The following CNIH3 variants were observed in gnomAD, a reference collection of about 807,000 sequenced individuals.
CNIH3 encodes protein cornichon homolog 3.
CNIH3 carries 14 observed loss-of-function variants against 24.1 expected under a neutral mutation model. That is an observed-to-expected ratio of 0.58 (90% CI 0.38 to 0.91). The LOEUF (loss-of-function observed/expected upper bound fraction) is 0.91. Among genes scored for constraint, CNIH3 ranks in the 40% least tolerant of loss-of-function variants. The pLI, the probability that CNIH3 is intolerant of heterozygous loss-of-function variation, is 0.00. For missense variants in CNIH3, 178 were observed against 196.8 expected (o/e 0.90, Z 0.57); for synonymous variants, 68 against 73.8 (o/e 0.92, Z 0.40).
chr1:224,538,643 CCTT>C (rs1425178278), downstream of CNIH3, among the ~76,000 whole-genome samples: 1 of 150,346 alleles, frequency 6.7e-6, no homozygotes, highest in East Asian at 1.9e-4. Context: ...GCCTCCTCCT[CCTT>C]CTCTCTCTCT....
chr1:224,590,166 C>T (rs1041053448), downstream of CNIH3, among the ~76,000 whole-genome samples: 2 of 152,188 alleles, frequency 1.3e-5, no homozygotes, highest in Admixed American at 6.5e-5. Context: ...CGAGCCATCA[C>T]ACCAGCTGAT....
chr1:224,654,177 TTC>T (rs1316960403), intron 1 of CNIH3, among the ~76,000 whole-genome samples: 1 of 151,558 alleles, frequency 6.6e-6, no homozygotes, highest in African/African-American at 2.4e-5. Flanking sequence ...AGGTCAGGAG[TTC>T]GAGACCAGCC....
intron 1 of CNIH3, among the ~76,000 whole-genome samples, chr1:224,456,707 G>A (rs1469867335): frequency 1.3e-5 from 2 of 152,192 alleles, no homozygotes; most frequent in Non-Finnish European, 2.9e-5. Flanking sequence ...CACTGTGCCC[G>A]GCCAAAGATT....
upstream of CNIH3, among the ~76,000 whole-genome samples, chr1:224,512,175 C>CA (rs71779272): frequency 9.5e-3 from 1,268 of 132,914 alleles, 13 homozygotes; most frequent in African/African-American, 0.025. Flanking sequence ...AACACCGTCT[C>CA]AAAAAAAAAA....
chr1:224,693,385 G>A (rs1483959581), intron 3 of CNIH3, among the ~76,000 whole-genome samples: 1 of 152,214 alleles, frequency 6.6e-6, no homozygotes, highest in Non-Finnish European at 1.5e-5. Context: ...TGATAATAAG[G>A]TATCAAACCA....
At chr1:224,614,917 C>T (rs545882858), upstream of CNIH3, among the ~76,000 whole-genome samples, 7 of 150,822 alleles carry the variant, frequency 4.6e-5, no homozygotes, top group East Asian at 1.4e-3. Context: ...TCCAGCCTGG[C>T]GACAAAGTGA....
At chr1:224,484,312 C>A (rs1676942633) in intron 1 of CNIH3, among the ~76,000 whole-genome samples, 1 of 152,018 alleles carries the variant, frequency 6.6e-6, no homozygotes, top group African/African-American at 2.4e-5. Context: ...CACCTGTAGT[C>A]CCAGCTACTG....
At chr1:224,657,065 C>T (rs949540731) in intron 1 of CNIH3, among the ~76,000 whole-genome samples, 3 of 152,096 alleles carry the variant, frequency 2.0e-5, no homozygotes, top group South Asian at 2.1e-4. Flanking sequence ...TGGTCTCTTT[C>T]GGTCTCGATA....
intron 1 of CNIH3, among the ~76,000 whole-genome samples, chr1:224,518,500 C>T (rs1024998601): frequency 7.1e-6 from 1 of 141,748 alleles, no homozygotes; most frequent in Non-Finnish European, 1.6e-5. Flanking sequence ...ATTTTTGAAG[C>T]CTTTTTTTTT....
intron 3 of CNIH3, chr1:224,547,043 C>T (rs1361301092): frequency 2.1e-5 from 5 of 241,524 alleles, no homozygotes; most frequent in East Asian, 3.6e-4. Context: ...CACCTGTGTG[C>T]ATACACGCAA....
intron 1 of CNIH3, among the ~76,000 whole-genome samples, chr1:224,509,789 C>A (rs1379775139): frequency 6.6e-6 from 1 of 152,214 alleles, no homozygotes; most frequent in Non-Finnish European, 1.5e-5. Context: ...CGCCTGAAGT[C>A]TGAGTGCATG....
At chr1:224,569,021 T>C (rs1356493829) in intron 4 of CNIH3, among the ~76,000 whole-genome samples, 2 of 152,120 alleles carry the variant, frequency 1.3e-5, no homozygotes, top group Non-Finnish European at 2.9e-5. Flanking sequence ...TACAGGCATG[T>C]GCCACCACGC....
At chr1:224,515,945 A>G (rs975648770) in intron 1 of CNIH3, 1 of 152,214 alleles carries the variant, frequency 6.6e-6, no homozygotes, top group Admixed American at 6.5e-5. Context: ...TTGTATAAAA[A>G]TAAATACATG....
At chr1:224,678,534 G>T (rs961014798) in intron 1 of CNIH3, among the ~76,000 whole-genome samples, 3 of 152,096 alleles carry the variant, frequency 2.0e-5, no homozygotes, top group Admixed American at 6.5e-5. Context: ...GCAGCTTAGC[G>T]CCAGTTTATG....
chr1:224,566,482 A>T (rs994486044), intron 4 of CNIH3, among the ~76,000 whole-genome samples: 2 of 152,032 alleles, frequency 1.3e-5, no homozygotes, highest in African/African-American at 4.8e-5. Context: ...TCAACCCGTC[A>T]TCTACATTAG....
intron 2 of CNIH3, 111 bp downstream of exon 2, chr1:224,681,137 C>G: frequency 2.3e-6 from 2 of 869,078 alleles, no homozygotes; most frequent in African/African-American, 1.7e-5. Flanking sequence ...CATGCTCGCC[C>G]TCACTGTGCC....
intron 3 of CNIH3, among the ~76,000 whole-genome samples, chr1:224,694,237 GA>G (rs1558302025): frequency 6.6e-6 from 1 of 152,224 alleles, no homozygotes; most frequent in Admixed American, 6.5e-5. Flanking sequence ...TGTGTGGAGA[GA>G]ACACCTTCCT....
intron 3 of CNIH3, among the ~76,000 whole-genome samples, chr1:224,712,740 T>G (rs1688222376): frequency 6.6e-6 from 1 of 152,224 alleles, no homozygotes; most frequent in Admixed American, 6.5e-5. Flanking sequence ...GTTTAAAATA[T>G]TCCTCATCAA....
At chr1:224,574,720 T>C in intron 4 of CNIH3, 1 of 1,197,874 alleles carries the variant, frequency 8.3e-7, no homozygotes, top group Non-Finnish European at 1.2e-6. Flanking sequence ...TGCCAGAAGA[T>C]GCTCATTGAC....
Sources: gnomAD v4.1 joint callset for allele counts (sites outside exome capture counted in the v4.1 genomes callset) on GRCh38, gnomAD v4.1.1 for gene constraint, MANE v1.5 for transcripts, NCBI Gene and HGNC (gene_info 2026-07-23, HGNC 2026-07-21) for gene names.